The following DTNA variants were observed in gnomAD, a reference collection of about 807,000 sequenced individuals.
The protein encoded by DTNA is dystrobrevin alpha.
In DTNA, 43 loss-of-function variants were observed where a neutral mutation model predicts 100.7. The ratio of observed to expected loss-of-function variants is 0.43; its 90% CI spans 0.33 to 0.55. DTNA has a LOEUF of 0.55. DTNA is among the 20% of genes least tolerant of loss of function. DTNA has a pLI of 0.04. For missense variants in DTNA, 798 were observed against 953.9 expected (o/e 0.84, Z 2.15); for synonymous variants, 349 against 347.9 (o/e 1.00, Z -0.04).
At chr18:34,739,496 C>A (rs1158620361) in intron 1 of DTNA, among the ~76,000 whole-genome samples, 1 of 152,126 alleles carries the variant, frequency 6.6e-6, no homozygotes, top group African/African-American at 2.4e-5. Context: ...ACAGATGTGC[C>A]ACAGAGCAAT....
chr18:34,869,102 G>A (rs1193912583), intron 17 of DTNA, among the ~76,000 whole-genome samples: 1 of 152,166 alleles, frequency 6.6e-6, no homozygotes, highest in Non-Finnish European at 1.5e-5. Flanking sequence ...GCTCACGGCT[G>A]TAAGCTTAAC....
At chr18:34,638,881 G>C (rs565164080) in intron 1 of DTNA, among the ~76,000 whole-genome samples, 1 of 152,068 alleles carries the variant, frequency 6.6e-6, no homozygotes, top group South Asian at 2.1e-4. Flanking sequence ...CGCTCTTGCT[G>C]CCCAGGCTGG....
At chr18:34,811,537 C>G (rs1275836727) in intron 5 of DTNA, among the ~76,000 whole-genome samples, 2 of 152,156 alleles carry the variant, frequency 1.3e-5, no homozygotes, top group African/African-American at 4.8e-5. Flanking sequence ...AAATTTCTAG[C>G]TAGATAAATG....
At chr18:34,856,775 A>G (rs1040201318) in intron 15 of DTNA, among the ~76,000 whole-genome samples, 2 of 152,252 alleles carry the variant, frequency 1.3e-5, no homozygotes, top group African/African-American at 4.8e-5. Flanking sequence ...AAGTCAGCAG[A>G]GTTCCCAGGT....
At chr18:34,522,375 A>T (rs888360675) in intron 1 of DTNA, among the ~76,000 whole-genome samples, 15 of 152,156 alleles carry the variant, frequency 9.9e-5, no homozygotes, top group African/African-American at 3.6e-4. Context: ...GAGTACACGT[A>T]TTGTCTCTTC....
In DTNA at chr18:34,819,330, C is replaced by T. The variant is rs111257309; in HGVS notation, c.876+1000C>T. On this transcript the variant is annotated intron_variant, in intron 8 of 22. Transcript: ENST00000444659. ...TGTAAATATACTAGTACTTCATCAC[C>T]GGTCAGATTCTGAATTCAAGCAACA... Among the ~76,000 whole-genome samples the T allele has an allele frequency of 4.8e-3, 728 of 152,228 alleles. 4 individuals carry two copies. The highest frequency in any genetic ancestry group is 0.015 in the African/African-American group (637 of 41,552).
At chr18:34,536,676 A>T (rs1029499821) in intron 1 of DTNA, among the ~76,000 whole-genome samples, 27 of 151,970 alleles carry the variant, frequency 1.8e-4, no homozygotes, top group Admixed American at 1.5e-3. Context: ...TATCATAGTG[A>T]AGTGTAGCTA....
At chr18:34,671,610 G>T (rs1179497082) in intron 1 of DTNA, among the ~76,000 whole-genome samples, 1 of 152,170 alleles carries the variant, frequency 6.6e-6, no homozygotes, top group Non-Finnish European at 1.5e-5. Context: ...ACGGTACTCT[G>T]CATGCAAACG....
At chr18:34,550,681 A>G (rs1225965440) in intron 1 of DTNA, among the ~76,000 whole-genome samples, 1 of 152,176 alleles carries the variant, frequency 6.6e-6, no homozygotes, top group Non-Finnish European at 1.5e-5. Flanking sequence ...CCTAAAATGA[A>G]TTAAAACATC....
intron 17 of DTNA, 147 bp from the exon 18 acceptor site, chr18:34,875,092 G>A: frequency 8.3e-7 from 1 of 1,201,998 alleles, no homozygotes; most frequent in Non-Finnish European, 1.2e-6. Flanking sequence ...CTGCAAATTA[G>A]CTTTAGGATT....
At chr18:34,640,041 C>T (rs914894692) in intron 1 of DTNA, among the ~76,000 whole-genome samples, 36 of 152,218 alleles carry the variant, frequency 2.4e-4, no homozygotes, top group African/African-American at 8.4e-4. Context: ...AAAGATTGCA[C>T]TTCAAAAGTT....
chr18:34,513,579 G>A (rs34140080), intron 1 of DTNA: 13 of 152,142 alleles, frequency 8.5e-5, no homozygotes, highest in Non-Finnish European at 1.3e-4. Flanking sequence ...TGAGACTGGA[G>A]GAAGATGAAG....
intron 17 of DTNA, chr18:34,867,528 C>T: frequency 1.7e-6 from 2 of 1,159,406 alleles, no homozygotes; most frequent in Non-Finnish European, 2.1e-6. Context: ...CTTCATGATA[C>T]TTCTCTGCAA....
intron 1 of DTNA, among the ~76,000 whole-genome samples, chr18:34,578,054 T>C (rs1230926468): frequency 1.3e-5 from 2 of 151,954 alleles, no homozygotes; most frequent in East Asian, 3.9e-4. Context: ...CTGTTTTCCA[T>C]AGTGGTTGTA....
chr18:34,853,943 T>G (rs2096520924), intron 15 of DTNA, among the ~76,000 whole-genome samples: 1 of 152,004 alleles, frequency 6.6e-6, no homozygotes, highest in Non-Finnish European at 1.5e-5. Context: ...CAAAGGCACT[T>G]TAAAAAGGTA....
rs888189489 is a variant in DTNA, at chr18:34,660,535, A to G, written c.-1-95441A>G. Among the ~76,000 whole-genome samples the G allele has an allele frequency of 6.6e-5, 10 of 152,224 alleles. No homozygotes were observed. The Middle Eastern group carries it at 0.017, about 259-fold the overall frequency. ...CTTGTGGGGAAAATCTGCATTCTGT[A>G]GAGAATCCCCTTCCCTTTCCAGGTC... On this transcript the variant is annotated intron_variant, in intron 1 of 19. Transcript: ENST00000283365.
chr18:34,594,227 G>A (rs969347133), intron 1 of DTNA, among the ~76,000 whole-genome samples: 1 of 151,930 alleles, frequency 6.6e-6, no homozygotes, highest in African/African-American at 2.4e-5. Flanking sequence ...GAGAGGAAGA[G>A]TTGTCTGATT....
chr18:34,753,068 C>CT (rs911530859), intron 1 of DTNA, among the ~76,000 whole-genome samples: 67 of 152,148 alleles, frequency 4.4e-4, no homozygotes, highest in Middle Eastern at 3.4e-3. Flanking sequence ...TCTCTTTCCT[C>CT]TTTTTTTTCT....
intron 1 of DTNA, among the ~76,000 whole-genome samples, chr18:34,591,491 G>A (rs1753420819): frequency 6.6e-6 from 1 of 152,166 alleles, no homozygotes; most frequent in African/African-American, 2.4e-5. Flanking sequence ...GGTGAACAGA[G>A]CAGCTGAATG....
Sources: gnomAD v4.1 joint callset for allele counts (sites outside exome capture counted in the v4.1 genomes callset) on GRCh38, gnomAD v4.1.1 for gene constraint, MANE v1.5 for transcripts, NCBI Gene and HGNC (gene_info 2026-07-23, HGNC 2026-07-21) for gene names.